RMST: variants seen among roughly 807,000 people sequenced by gnomAD.
RMST encodes the protein rhabdomyosarcoma 2 associated transcript.
At chr12:97,563,915 A>T (rs369993377) in intron 13 of RMST, 15 of 504,288 alleles carry the variant, frequency 3.0e-5, no homozygotes, top group African/African-American at 2.9e-4. Context: ...AAAATCATCA[A>T]CTAAGAAGGG....
intron 11 of RMST, among the ~76,000 whole-genome samples, chr12:97,537,999 C>T (rs1882199788): frequency 1.3e-5 from 2 of 151,422 alleles, no homozygotes; most frequent in East Asian, 1.9e-4. Context: ...AGATTATATC[C>T]ACCTACCATC....
At chr12:97,550,295 G>A (rs1883219385) in intron 11 of RMST, among the ~76,000 whole-genome samples, 1 of 152,154 alleles carries the variant, frequency 6.6e-6, no homozygotes, top group Non-Finnish European at 1.5e-5. Context: ...GGGAGACTGA[G>A]GCAGGAGAAT....
At chr12:97,467,051 G>A (rs10860214) in intron 5 of RMST, among the ~76,000 whole-genome samples, 31,662 of 151,934 alleles carry the variant, frequency 0.21, 3,355 homozygotes, top group African/African-American at 0.24. Context: ...GAAACAAGGA[G>A]TAAATACTAT....
chr12:97,481,488 A>G (rs375907133), intron 5 of RMST, among the ~76,000 whole-genome samples: 1 of 152,324 alleles, frequency 6.6e-6, no homozygotes, highest in East Asian at 1.9e-4. Flanking sequence ...ACCATGCCAA[A>G]GAAAGGCTTT....
chr12:97,512,821 C>T (rs1020329634), intron 10 of RMST, among the ~76,000 whole-genome samples: 16 of 151,910 alleles, frequency 1.1e-4, no homozygotes, highest in South Asian at 6.3e-4. Context: ...TGGGACTGGG[C>T]GCAGTGGAGC....
chr12:97,534,356 T>C (rs562878363), intron 11 of RMST, among the ~76,000 whole-genome samples: 19 of 151,934 alleles, frequency 1.3e-4, no homozygotes, highest in African/African-American at 3.6e-4. Flanking sequence ...TTATCTTCTC[T>C]AATTTAGATT....
chr12:97,483,942 G>A (rs1253041323), intron 5 of RMST, among the ~76,000 whole-genome samples: 2 of 152,048 alleles, frequency 1.3e-5, no homozygotes, highest in Non-Finnish European at 2.9e-5. Context: ...TTACTGTACT[G>A]CCCTTTATAT....
At chr12:97,517,678 ATG>A in intron 10 of RMST, among the ~76,000 whole-genome samples, 1 of 152,178 alleles carries the variant, frequency 6.6e-6, no homozygotes, top group Middle Eastern at 3.4e-3. Context: ...ATGCACTTTG[ATG>A]TAACTATGCC....
intron 11 of RMST, chr12:97,532,904 AC>A (rs888527160): frequency 2.0e-5 from 3 of 151,556 alleles, no homozygotes; most frequent in Non-Finnish European, 3.0e-5. Context: ...AGGGTGATTA[AC>A]CCTTCTGAAA....
At chr12:97,526,828 A>T (rs901069027) in intron 10 of RMST, among the ~76,000 whole-genome samples, 9 of 152,078 alleles carry the variant, frequency 5.9e-5, no homozygotes, top group African/African-American at 2.2e-4. Context: ...TTTCTTGGTG[A>T]TTCTGTTGCT....
At chr12:97,546,753 G>T (rs1441022752) in intron 11 of RMST, among the ~76,000 whole-genome samples, 1 of 151,984 alleles carries the variant, frequency 6.6e-6, no homozygotes, top group Non-Finnish European at 1.5e-5. Flanking sequence ...ATGGGGAGTG[G>T]TTCAAGGAAG....
At chr12:97,561,055 T>A (rs544677052) in intron 13 of RMST, 21 of 152,286 alleles carry the variant, frequency 1.4e-4, no homozygotes, top group Non-Finnish European at 2.8e-4. Flanking sequence ...GAGGTGAATA[T>A]CTTTAGCTTG....
At chr12:97,549,094 T>C (rs1473166431) in intron 11 of RMST, among the ~76,000 whole-genome samples, 1 of 152,120 alleles carries the variant, frequency 6.6e-6, no homozygotes, top group African/African-American at 2.4e-5. Flanking sequence ...CCCTGGGTGG[T>C]TTTGAACTCT....
chr12:97,561,546 C>T (rs1884101973), intron 13 of RMST, among the ~76,000 whole-genome samples: 2 of 148,848 alleles, frequency 1.3e-5, no homozygotes, highest in Admixed American at 1.3e-4. Context: ...GGATATGAGT[C>T]AAGTGACAAG....
chr12:97,478,006 AGAGCAGAAACAGAAATGAAT>A (rs1874770498), intron 5 of RMST, among the ~76,000 whole-genome samples: 1 of 152,222 alleles, frequency 6.6e-6, no homozygotes, highest in Non-Finnish European at 1.5e-5. Flanking sequence ...CTAAGTGAAT[AGAGCAGAAACAGAAATGAAT>A]TATTTGTCTC....
chr12:97,482,716 AT>A lies in RMST; in HGVS notation n.645-9742del, dbSNP rs1461158477. Among the ~76,000 whole-genome samples the A allele has an allele frequency of 4.7e-4, 41 of 86,560 alleles. 1 individual carries two copies. Among genetic ancestry groups the A allele is most frequent in the African/African-American group, 1.8e-3 (36 of 19,842 alleles). 56.8% of individuals were successfully genotyped at this position (86,560 alleles called of 152,430 possible). A position where few individuals can be genotyped will look rare whatever the true frequency, so the allele number is the denominator to read the frequency against. ...TTTATTTAATAAATAAATTTATATT[AT>A]TTATTTATTAAATAAATTTATATTA... On this transcript the variant is annotated intron_variant and non_coding_transcript_variant, in intron 5 of 13. Coordinates refer to ENST00000640149, the Ensembl canonical transcript of RMST.
At chr12:97,522,068 C>T (rs574015115) in intron 10 of RMST, among the ~76,000 whole-genome samples, 2 of 152,122 alleles carry the variant, frequency 1.3e-5, no homozygotes, top group Non-Finnish European at 2.9e-5. Flanking sequence ...GATCTGGCCT[C>T]TTTTGCATAA....
chr12:97,511,396 G>C (rs1313139624), intron 10 of RMST, among the ~76,000 whole-genome samples: 1 of 152,104 alleles, frequency 6.6e-6, no homozygotes, highest in Non-Finnish European at 1.5e-5. Flanking sequence ...TGATCCACCT[G>C]CCTCGGCCTC....
intron 10 of RMST, among the ~76,000 whole-genome samples, chr12:97,508,131 A>T (rs1164253333): frequency 6.6e-6 from 1 of 152,206 alleles, no homozygotes; most frequent in Non-Finnish European, 1.5e-5. Context: ...TTATAGTATA[A>T]TGGATGAATT....
Sources: gnomAD v4.1 joint callset for allele counts (sites outside exome capture counted in the v4.1 genomes callset) on GRCh38, gnomAD v4.1.1 for gene constraint, MANE v1.5 for transcripts, NCBI Gene and HGNC (gene_info 2026-07-23, HGNC 2026-07-21) for gene names.